Variants in SIK3 observed in about 807,000 individuals in gnomAD.
The protein encoded by SIK3 is SIK family kinase 3, also known as serine/threonine-protein kinase SIK3.
In SIK3, 28 loss-of-function variants were observed where a neutral mutation model predicts 144.2. The observed-to-expected ratio is 0.19, with a 90% CI of 0.14 to 0.27. SIK3 has a LOEUF of 0.27. SIK3 is among the 10% of genes least tolerant of loss of function. SIK3 has a pLI of 1.00. For missense variants in SIK3, 1,319 were observed against 1,776.0 expected, an observed-to-expected ratio of 0.74 and a Z score of 4.62; for synonymous variants, 686 against 676.3, an observed-to-expected ratio of 1.01 and a Z score of -0.22.
chr11:116,937,175 C>T (rs993909978), intron 3 of SIK3, among the ~76,000 whole-genome samples: 2 of 152,006 alleles, frequency 1.3e-5, no homozygotes, highest in African/African-American at 2.4e-5. Flanking sequence ...CACTGCAAGA[C>T]GTAGAAAAAT....
At chr11:116,881,735 G>C (rs1944562738) in intron 6 of SIK3, among the ~76,000 whole-genome samples, 1 of 152,086 alleles carries the variant, frequency 6.6e-6, no homozygotes, top group African/African-American at 2.4e-5. Context: ...TAGGGAAGAA[G>C]AGAATGAAAG....
chr11:116,967,016 AAAAAGAAAAAG>A (rs1949579267), intron 1 of SIK3, among the ~76,000 whole-genome samples: 2 of 120,688 alleles, frequency 1.7e-5, no homozygotes, highest in African/African-American at 7.9e-5. Context: ...AAAAAAAAAG[AAAAAGAAAAAG>A]AAAAAGAAAA....
intron 4 of SIK3, among the ~76,000 whole-genome samples, chr11:116,920,262 G>A (rs373359749): frequency 1.3e-5 from 2 of 149,644 alleles, no homozygotes; most frequent in South Asian, 2.1e-4. Context: ...TCCTAACCAC[G>A]TGCAACTGGC....
At chr11:117,077,921 T>C (rs1408150416) in intron 1 of SIK3, among the ~76,000 whole-genome samples, 3 of 152,246 alleles carry the variant, frequency 2.0e-5, no homozygotes, top group Non-Finnish European at 4.4e-5. Flanking sequence ...TCTAGCTTAA[T>C]AATTCTAAAA....
intron 21 of SIK3, among the ~76,000 whole-genome samples, chr11:116,854,416 TAAG>T (rs1439006355): frequency 2.0e-5 from 3 of 152,238 alleles, no homozygotes; most frequent in Non-Finnish European, 2.9e-5. Context: ...TAAGAAATGC[TAAG>T]AAGATCACAC....
chr11:116,901,349 TGAC>T (rs1262095991), intron 4 of SIK3, among the ~76,000 whole-genome samples: 2 of 152,208 alleles, frequency 1.3e-5, no homozygotes, highest in Non-Finnish European at 2.9e-5. Context: ...TGTCACCTCC[TGAC>T]TACTGGAGAC....
chr11:116,979,662 C>T (rs1300837706), intron 1 of SIK3, among the ~76,000 whole-genome samples: 4 of 152,136 alleles, frequency 2.6e-5, no homozygotes, highest in Non-Finnish European at 5.9e-5. Context: ...GACTGACCAA[C>T]ATGGCAAGAC....
At chr11:117,050,531 C>A (rs1055365508) in intron 1 of SIK3, among the ~76,000 whole-genome samples, 1 of 151,014 alleles carries the variant, frequency 6.6e-6, no homozygotes, top group Admixed American at 6.6e-5. Context: ...ACTAAAAATA[C>A]AAAAATTAGC....
At chr11:117,062,671 C>G (rs1953849145) in intron 1 of SIK3, among the ~76,000 whole-genome samples, 1 of 152,152 alleles carries the variant, frequency 6.6e-6, no homozygotes, top group African/African-American at 2.4e-5. Flanking sequence ...AGCCATTTGT[C>G]ACCTCTGACT....
At chr11:116,862,430 A>AGCC (rs1242529657) in intron 16 of SIK3, 103 bp from the exon 17 acceptor site, 14 of 1,473,564 alleles carry the variant, frequency 9.5e-6, no homozygotes, top group Non-Finnish European at 1.3e-5. Flanking sequence ...GGGCAGAAAG[A>AGCC]GCCGCAAGAG....
intron 3 of SIK3, among the ~76,000 whole-genome samples, chr11:116,932,656 T>TAGAGGAA (rs1947679551): frequency 6.6e-6 from 1 of 152,322 alleles, no homozygotes; most frequent in South Asian, 2.1e-4. Context: ...CCCTACACAG[T>TAGAGGAA]CATGCTTGTT....
Position 116,863,661 on chromosome 11 carries a change from C to T in SIK3, c.2103+7G>A. Reference sequence around the variant, plus strand: ...CCTCCAGGGATGCCTGCCACCTCTTCCATTACCTGCTGCAGCTGTTTGATG... The same window carrying T: ...CCTCCAGGGATGCCTGCCACCTCTTTCATTACCTGCTGCAGCTGTTTGATG... On this transcript the variant is annotated splice_region_variant and intron_variant, in intron 16 of 24. Coordinates refer to ENST00000445177, the MANE Select transcript of SIK3 (RefSeq NM_001366686.3). 6.2e-7 allele frequency: 1 copy of T among 1,614,038 alleles called. No individual in the cohort carries two copies. Among genetic ancestry groups the T allele is most frequent in the Non-Finnish European group, 8.5e-7 (1 of 1,179,986 alleles).
At chr11:116,998,902 T>C (rs1022886028) in intron 1 of SIK3, among the ~76,000 whole-genome samples, 3 of 152,174 alleles carry the variant, frequency 2.0e-5, no homozygotes, top group Non-Finnish European at 4.4e-5. Context: ...CCCAAACTAA[T>C]CCAAAAAGCT....
chr11:117,073,978 C>T (rs765105064), intron 1 of SIK3, among the ~76,000 whole-genome samples: 4 of 152,196 alleles, frequency 2.6e-5, no homozygotes, highest in East Asian at 1.9e-4. Context: ...TGCAGTGGCA[C>T]AATCATAATT....
chr11:116,911,076 G>A (rs1332025828), intron 4 of SIK3, among the ~76,000 whole-genome samples: 2 of 151,968 alleles, frequency 1.3e-5, no homozygotes, highest in Non-Finnish European at 2.9e-5. Context: ...TCAAGGTGCA[G>A]TGAACCATGA....
At chr11:116,968,577 G>C (rs12417152) in intron 1 of SIK3, among the ~76,000 whole-genome samples, 11,066 of 152,196 alleles carry the variant, frequency 0.073, 493 homozygotes, top group Middle Eastern at 0.11. Context: ...GATGTCAAAA[G>C]ACAGCTACAT....
At chr11:116,882,111 T>G (rs780356333) in intron 6 of SIK3, among the ~76,000 whole-genome samples, 1 of 152,076 alleles carries the variant, frequency 6.6e-6, no homozygotes, top group Non-Finnish European at 1.5e-5. Flanking sequence ...GGTTCCATCA[T>G]GACAGAATCA....
chr11:116,887,804 C>A (rs145126990), intron 6 of SIK3, among the ~76,000 whole-genome samples: 31 of 152,208 alleles, frequency 2.0e-4, no homozygotes, highest in African/African-American at 7.0e-4. Flanking sequence ...AGGAGGAAGA[C>A]ACATACATAA....
intron 1 of SIK3, among the ~76,000 whole-genome samples, chr11:116,985,867 T>C (rs948602601): frequency 2.6e-5 from 4 of 152,192 alleles, no homozygotes; most frequent in Non-Finnish European, 5.9e-5. Context: ...TTTCCCTACA[T>C]AGAAATTGAA....
Sources: gnomAD v4.1 joint callset for allele counts (sites outside exome capture counted in the v4.1 genomes callset) on GRCh38, gnomAD v4.1.1 for gene constraint, MANE v1.5 for transcripts, NCBI Gene and HGNC (gene_info 2026-07-23, HGNC 2026-07-21) for gene names.